KATNAL1: variants seen among roughly 807,000 people sequenced by gnomAD.
The protein encoded by KATNAL1 is katanin catalytic subunit A1 like 1, also known as katanin p60 ATPase-containing subunit A-like 1.
KATNAL1 carries 32 observed loss-of-function variants against 55.2 expected under a neutral mutation model. The observed-to-expected ratio is 0.58, with a 90% CI of 0.44 to 0.78. The LOEUF is 0.78. Among genes scored for constraint, KATNAL1 ranks in the 30% least tolerant of loss-of-function variants. KATNAL1 has a pLI of 0.00. For synonymous variants in KATNAL1, 193 were observed against 193.6 expected, an observed-to-expected ratio of 1.00 and a Z score of 0.02; for missense variants, 466 against 600.9, an observed-to-expected ratio of 0.78 and a Z score of 2.35.
At chr13:30,210,226 C>T in intron 10 of KATNAL1, 90 bp downstream of exon 10, 2 of 1,078,002 alleles carry the variant, frequency 1.9e-6, no homozygotes. Flanking sequence ...TCATGTCTAA[C>T]TACACTGGGC....
chr13:30,212,748 A>T (rs1278822097), intron 9 of KATNAL1, among the ~76,000 whole-genome samples: 1 of 152,240 alleles, frequency 6.6e-6, no homozygotes, highest in African/African-American at 2.4e-5. Context: ...AGAAATAATT[A>T]AAATGTCCAC....
In KATNAL1 at chr13:30,219,288, C is replaced by G. The variant is rs1409629344; in HGVS notation, c.1147+8124G>C. Among the ~76,000 whole-genome samples the G allele has an allele frequency of 2.6e-5, 4 of 152,196 alleles. No individual in the cohort carries two copies. In the South Asian group the frequency reaches 8.3e-4, roughly 32 times the overall value. ...TTCAATCTCTTCCAGGCCTTTTTATCCTATCTGGTGGCTCCAGCCCCAAAA... is the reference window on the plus strand; with the variant it reads ...TTCAATCTCTTCCAGGCCTTTTTATGCTATCTGGTGGCTCCAGCCCCAAAA... On this transcript the variant is annotated intron_variant, in intron 9 of 10. Coordinates refer to ENST00000380615, the MANE Select transcript of KATNAL1 (RefSeq NM_032116.5).
chr13:30,280,587 AAT>A (rs1416092534), intron 2 of KATNAL1, among the ~76,000 whole-genome samples: 2 of 152,196 alleles, frequency 1.3e-5, no homozygotes. Context: ...TATATTTATA[AAT>A]AGATTCCCAA....
At chr13:30,220,987 C>A (rs1056276065) in intron 9 of KATNAL1, among the ~76,000 whole-genome samples, 1 of 152,126 alleles carries the variant, frequency 6.6e-6, no homozygotes, top group Non-Finnish European at 1.5e-5. Flanking sequence ...GCGTGAGCAA[C>A]AACACCCAGC....
intron 3 of KATNAL1, among the ~76,000 whole-genome samples, chr13:30,269,723 G>A (rs1189438315): frequency 3.3e-5 from 5 of 149,724 alleles, no homozygotes; most frequent in Admixed American, 6.6e-5. Context: ...CTGCCCGGCC[G>A]CCCCGTCTGA....
rs1185442426 is a variant in KATNAL1, at chr13:30,203,067, G to A, written c.*5473C>T. On this transcript the variant is annotated 3_prime_UTR_variant, in exon 11 of 11. Coordinates refer to ENST00000380615, the MANE Select transcript of KATNAL1 (RefSeq NM_032116.5). Reference sequence around the variant, plus strand: ...ATTTTTAATGTCATCAGGTTAGTTTGTATTTACAAAACTCTAAGAAAATAG... The same window carrying A: ...ATTTTTAATGTCATCAGGTTAGTTTATATTTACAAAACTCTAAGAAAATAG... 2.6e-5 allele frequency: 4 copies of A among 152,188 alleles called. No individual in the cohort carries two copies. Among genetic ancestry groups the A allele is most frequent in the Non-Finnish European group, 4.4e-5 (3 of 68,028 alleles). The allele number at this position is 152,188 out of a possible 1,614,324, so 9.4% of individuals were successfully genotyped here.
intron 3 of KATNAL1, among the ~76,000 whole-genome samples, chr13:30,256,810 T>C (rs1878836882): frequency 6.6e-6 from 1 of 152,236 alleles, no homozygotes; most frequent in Non-Finnish European, 1.5e-5. Flanking sequence ...AAAAACCGTA[T>C]GTCTATCTAT....
At chr13:30,254,470 A>G (rs543341357) in intron 4 of KATNAL1, among the ~76,000 whole-genome samples, 2 of 152,146 alleles carry the variant, frequency 1.3e-5, no homozygotes, top group African/African-American at 2.4e-5. Flanking sequence ...CTATCTCATA[A>G]ATAGAAATAT....
intron 1 of KATNAL1, among the ~76,000 whole-genome samples, chr13:30,288,397 A>AT (rs1881931600): frequency 6.6e-6 from 1 of 152,224 alleles, no homozygotes; most frequent in African/African-American, 2.4e-5. Context: ...GTTCTAAAAA[A>AT]TGCTGCTGAA....
intron 3 of KATNAL1, among the ~76,000 whole-genome samples, chr13:30,275,075 G>T (rs1209991851): frequency 1.3e-5 from 2 of 151,942 alleles, no homozygotes; most frequent in Non-Finnish European, 2.9e-5. Flanking sequence ...TTTGTTTTTT[G>T]TTTGTTTTTG....
intron 1 of KATNAL1, chr13:30,296,235 TG>T: frequency 1.9e-6 from 2 of 1,035,310 alleles, no homozygotes; most frequent in South Asian, 3.1e-5. Flanking sequence ...GAGGTGAAGC[TG>T]TCAGACTACA....
At position 30,205,664 on chromosome 13, in the gene KATNAL1, A is replaced by G. The variant is rs1346913775; in HGVS notation, c.*2876T>C. The G allele has an allele frequency of 7.0e-6, 1 of 143,116 alleles. No individual in the cohort carries two copies. The highest frequency in any genetic ancestry group is 1.5e-5 in the Non-Finnish European group (1 of 67,248). The allele number at this position is 143,116 out of a possible 1,614,324, so 8.9% of individuals were successfully genotyped here. On this transcript the variant is annotated 3_prime_UTR_variant, in exon 11 of 11. Coordinates refer to ENST00000380615, the MANE Select transcript of KATNAL1 (RefSeq NM_032116.5). ...TGTGAGTGTGTGTGTGATGTACATTAAAAGTTAGGGCTGGGCACAGTGGCT... is the reference window on the plus strand; with the variant it reads ...TGTGAGTGTGTGTGTGATGTACATTGAAAGTTAGGGCTGGGCACAGTGGCT...
At chr13:30,254,153 T>C (rs576058848) in intron 4 of KATNAL1, among the ~76,000 whole-genome samples, 21 of 152,204 alleles carry the variant, frequency 1.4e-4, no homozygotes, top group Non-Finnish European at 2.4e-4. Flanking sequence ...GGAGGTTGGA[T>C]TTCAGCCGGT....
At chr13:30,262,267 G>A (rs1879361986) in intron 3 of KATNAL1, among the ~76,000 whole-genome samples, 1 of 151,978 alleles carries the variant, frequency 6.6e-6, no homozygotes, top group Non-Finnish European at 1.5e-5. Context: ...GAGAAAGCAG[G>A]AAAGATTCAA....
At chr13:30,229,142 AAAC>A (rs1208827407) in intron 8 of KATNAL1, among the ~76,000 whole-genome samples, 5 of 150,800 alleles carry the variant, frequency 3.3e-5, no homozygotes, top group Non-Finnish European at 5.9e-5. Flanking sequence ...ACTTATCTCT[AAAC>A]AGCAGCTCTG....
Position 30,283,699 on chromosome 13 carries a change from C to A in KATNAL1, c.79G>T (p.Val27Leu). The A allele has an allele frequency of 6.2e-7, 1 of 1,613,940 alleles. No homozygotes were observed. The highest frequency in any genetic ancestry group is 2.2e-5 in the East Asian group (1 of 44,874). Reference protein sequence around the residue: ...ALLGNYDSSMVYYQGVMQQIQ... With the variant: ...ALLGNYDSSMLYYQGVMQQIQ... ...TGCTGCATCACCCCCTGGTAATATA[C>A]CATTGATGAGTCGTAATTTCCAAGA... is the stretch of plus-strand genomic sequence containing the variant. The change falls in exon 2 of 11, where the codon GTA becomes TTA. Residue 27 changes from valine to leucine, a missense_variant. This residue lies in a region of KATNAL1 where 248 missense variants were observed against 275.5 expected (regional missense o/e 0.90). Transcript: ENST00000380615.
At position 30,208,428 on chromosome 13, in the gene KATNAL1, T is replaced by C; in HGVS notation, c.*112A>G. 2 of 847,388 alleles carry C rather than the reference T, an allele frequency of 2.4e-6. No individual in the cohort carries two copies. Among genetic ancestry groups the C allele is most frequent in the Admixed American group, 2.9e-5 (1 of 34,462 alleles). 52.5% of individuals were successfully genotyped at this position (847,388 alleles called of 1,614,324 possible). A position where few individuals can be genotyped will look rare whatever the true frequency, so the allele number is the denominator to read the frequency against. On this transcript the variant is annotated 3_prime_UTR_variant, in exon 11 of 11. Transcript: ENST00000380615. ...CGCAGTTTTAGATTTTTTTTTCCTT[T>C]AAGCGAAAACCACTCCACTGAAAAA...
In KATNAL1 at chr13:30,240,959, C is replaced by T; in HGVS notation, c.620G>A (p.Trp207Ter). ...ATTCAATAATTTGAAAGACTCTAAC[C>T]AATGAATGCTAGGATTCCTGGATAC... ...DIVSRNPSIH[W>*]DDIADLEEAK... Residue 207 changes from tryptophan to a stop codon, truncating the protein, a stop_gained and splice_region_variant, in exon 5 of 11, where the codon TGG (tryptophan) becomes TAG (stop). Transcript: ENST00000380615. LOFTEE classifies it high-confidence loss of function. 1.2e-6 allele frequency: 2 copies of T among 1,611,744 alleles called. No individual in the cohort carries two copies. Among genetic ancestry groups the T allele is most frequent in the Non-Finnish European group, 1.7e-6 (2 of 1,179,092 alleles).
At position 30,274,896 on chromosome 13, in the gene KATNAL1, C is replaced by CGCGT. The variant is rs1555265603; in HGVS notation, c.323+5166_323+5167insACGC. ...CGGGGTGTGTGCACACACATACGCGCGCGCGCGCGCGCACACACACACACA... is the reference window on the plus strand; with the variant it reads ...CGGGGTGTGTGCACACACATACGCGCGCGTGCGCGCGCGCGCACACACACACACA... On this transcript the variant is annotated intron_variant, in intron 3 of 10. Transcript: ENST00000380615. 2.2e-3 allele frequency among the ~76,000 whole-genome samples: 221 copies of CGCGT among 100,612 alleles called. 3 individuals are homozygous for CGCGT. Among genetic ancestry groups the CGCGT allele is most frequent in the African/African-American group, 9.7e-3 (208 of 21,534 alleles). The allele number at this position is 100,612 out of a possible 152,430, so 66.0% of individuals were successfully genotyped here.
Sources: allele counts gnomAD v4.1 joint callset (sites outside exome capture counted in the v4.1 genomes callset), GRCh38; gene constraint gnomAD v4.1.1; regional missense constraint gnomAD v4.1.1; transcripts MANE v1.5; gene names NCBI Gene and HGNC (gene_info 2026-07-23, HGNC 2026-07-21).